The following PPP1R12A variants were observed in gnomAD, a reference collection of about 807,000 sequenced individuals.
The protein encoded by PPP1R12A is myosin binding subunit.
Under a neutral mutation model 139.6 loss-of-function variants are expected in PPP1R12A, and 19 were observed. The observed-to-expected ratio is 0.14, with a 90% CI of 0.09 to 0.20. The LOEUF is 0.20. Among genes scored for constraint, PPP1R12A ranks in the 10% least tolerant of loss-of-function variants. The pLI is 1.00. For synonymous variants in PPP1R12A, 427 were observed against 420.6 expected, an observed-to-expected ratio of 1.02 and a Z score of -0.19; for missense variants, 925 against 1,211.5, an observed-to-expected ratio of 0.76 and a Z score of 3.51.
At chr12:79,896,002 AT>A (rs34970906) in intron 1 of PPP1R12A, among the ~76,000 whole-genome samples, 112,874 of 150,498 alleles carry the variant, frequency 0.75, 45,207 homozygotes, top group Non-Finnish European at 0.92. Context: ...GGTTAAAACA[AT>A]TTTTTTTTTT....
intron 1 of PPP1R12A, among the ~76,000 whole-genome samples, chr12:79,891,719 T>G (rs1000619774): frequency 6.6e-6 from 1 of 152,176 alleles, no homozygotes; most frequent in Non-Finnish European, 1.5e-5. Flanking sequence ...AAAAAGACTA[T>G]GGCTTCCATC....
chr12:79,826,977 A>G (rs910927803), intron 5 of PPP1R12A, among the ~76,000 whole-genome samples: 4 of 152,312 alleles, frequency 2.6e-5, no homozygotes, highest in Non-Finnish European at 4.4e-5. Flanking sequence ...CAGAGTTCAG[A>G]GGCTAATAGG....
chr12:79,925,280 G>A (rs548573032), intron 1 of PPP1R12A, among the ~76,000 whole-genome samples: 10 of 152,202 alleles, frequency 6.6e-5, no homozygotes, highest in Admixed American at 2.0e-4. Flanking sequence ...GTGTGTGTGT[G>A]TAACAGTCCA....
rs779725346 is a variant in PPP1R12A, at chr12:79,874,818, C to T, written c.238-1880G>A. Among the ~76,000 whole-genome samples, 101 of 152,098 alleles carry T rather than the reference C, an allele frequency of 6.6e-4. 1 individual carries two copies. The highest frequency in any genetic ancestry group is 7.9e-4 in the Non-Finnish European group (54 of 68,016). On this transcript the variant is annotated intron_variant, in intron 1 of 24. Coordinates refer to ENST00000450142, the MANE Select transcript of PPP1R12A (RefSeq NM_002480.3). ...ACCCACTCCAAGGTACTCATTGTTC[C>T]CCACAATTGTTCCTAAAATCACTCT...
At chr12:79,841,262 C>T (rs75549358) in intron 3 of PPP1R12A, among the ~76,000 whole-genome samples, 11,867 of 152,098 alleles carry the variant, frequency 0.078, 782 homozygotes, top group East Asian at 0.33. Context: ...TTTGATACCC[C>T]GCCTTTTCTG....
upstream of PPP1R12A, chr12:79,935,308 C>CAG (rs1888586918): frequency 6.7e-6 from 7 of 1,047,540 alleles, no homozygotes; most frequent in South Asian, 1.8e-4. Context: ...GCTGGGCCAC[C>CAG]AGAGGGAAGC....
chr12:79,871,339 ATT>A (rs1882545523), intron 2 of PPP1R12A, among the ~76,000 whole-genome samples: 1 of 152,232 alleles, frequency 6.6e-6, no homozygotes, highest in African/African-American at 2.4e-5. Flanking sequence ...GACAATTAAT[ATT>A]GTCTTTTCAA....
In PPP1R12A at chr12:79,832,470, C is replaced by A; in HGVS notation, c.509G>T (p.Arg170Leu). 6.2e-7 allele frequency: 1 copy of A among 1,607,458 alleles called. No homozygotes were observed. ...AAGCATGATCCGTTCTTCTTCCTTT[C>A]GAGCTGCTTCTATATCAACCCCTGA... The part of the protein sequence containing the change: ...NRQGVDIEAA[R>L]KEEERIMLRD... The change falls in exon 4 of 25, where the codon CGA (arginine) becomes CTA (leucine). Residue 170 changes from arginine (R) to leucine (L), a missense_variant. By Grantham distance (102) the Arg-to-Leu change is moderately radical (BLOSUM62 -2). Coordinates refer to ENST00000450142, the MANE Select transcript of PPP1R12A (RefSeq NM_002480.3).
rs1019398178 is a variant in PPP1R12A at position 79,801,013 on chromosome 12, A to G, written c.2001-2429T>C. ...CTCCCAAAGTGCTGGGATTACAGGC[A>G]TGAGCCACTGTGCCCAGCTCAAATG... On this transcript the variant is annotated intron_variant, in intron 14 of 24. Coordinates refer to ENST00000450142, the MANE Select transcript of PPP1R12A (RefSeq NM_002480.3). 6.0e-5 allele frequency among the ~76,000 whole-genome samples: 9 copies of G among 151,168 alleles called. No individual in the cohort carries two copies. In the East Asian group the frequency reaches 6.1e-4, roughly 10 times the overall value.
chr12:79,921,737 G>A (rs1422042625), intron 1 of PPP1R12A, among the ~76,000 whole-genome samples: 5 of 152,134 alleles, frequency 3.3e-5, no homozygotes, highest in Non-Finnish European at 5.9e-5. Context: ...GCATGAATGA[G>A]TTATTCACTA....
intron 21 of PPP1R12A, 172 bp from the exon 22 acceptor site, chr12:79,786,650 T>C: frequency 2.1e-6 from 1 of 476,146 alleles, no homozygotes. Flanking sequence ...GTTATGCAAG[T>C]GTGTTTGTCC....
chr12:79,817,511 T>G lies in PPP1R12A; in HGVS notation c.1122A>C (p.Thr374=), dbSNP rs1360034804. 3.2e-6 allele frequency: 5 copies of G among 1,586,410 alleles called. No individual in the cohort carries two copies. Among genetic ancestry groups the G allele is most frequent in the Non-Finnish European group, 4.3e-6 (5 of 1,164,344 alleles). The change falls in exon 9 of 25, where the codon ACA becomes ACC. Residue 374 remains threonine, a synonymous_variant. Coordinates refer to ENST00000450142, the MANE Select transcript of PPP1R12A (RefSeq NM_002480.3). ...DSESEAETDK[T]KPLASVTNAN... ...CATTAGTTACAGAAGCCAGGGGTTT[T>G]GTCTTATCTATTAAAGACAAACAAT...
At chr12:79,830,516 G>C (rs1877294638) in intron 4 of PPP1R12A, among the ~76,000 whole-genome samples, 1 of 152,158 alleles carries the variant, frequency 6.6e-6, no homozygotes, top group South Asian at 2.1e-4. Flanking sequence ...CCTAGAGGTA[G>C]AATCAGGGAA....
chr12:79,894,595 A>C (rs1884961884), intron 1 of PPP1R12A, among the ~76,000 whole-genome samples: 1 of 152,174 alleles, frequency 6.6e-6, no homozygotes, highest in Non-Finnish European at 1.5e-5. Flanking sequence ...GTTCCTATAA[A>C]ATATTATGAT....
chr12:79,903,069 A>ACAC (rs2137482582), intron 1 of PPP1R12A, among the ~76,000 whole-genome samples: 1 of 152,278 alleles, frequency 6.6e-6, no homozygotes, highest in South Asian at 2.1e-4. Context: ...AAACAACTAC[A>ACAC]CACTGTCCAC....
At chr12:79,807,098 C>T in intron 12 of PPP1R12A, 128 bp downstream of exon 12, 1 of 557,212 alleles carries the variant, frequency 1.8e-6, no homozygotes, top group South Asian at 2.5e-5. Flanking sequence ...AAGTTTTAAA[C>T]AACAAAAACT....
Position 79,828,467 on chromosome 12 carries a change from A to C in PPP1R12A, c.648-3T>G. 3 of 1,588,660 alleles carry C rather than the reference A, an allele frequency of 1.9e-6. No individual in the cohort carries two copies. The highest frequency in any genetic ancestry group is 2.6e-6 in the Non-Finnish European group (3 of 1,163,278). On this transcript the variant is annotated splice_region_variant and splice_polypyrimidine_tract_variant and intron_variant, in intron 4 of 24. Coordinates refer to ENST00000450142, the MANE Select transcript of PPP1R12A (RefSeq NM_002480.3). ...CATAGCCTGCCTGTATTAAAAGTCT[A>C]AAGAAATTACAGTGAATTAGACAAT...
At position 79,907,064 on chromosome 12, in the gene PPP1R12A, TATA is replaced by T. The variant is rs202140920; in HGVS notation, c.237+27628_237+27630del. On this transcript the variant is annotated intron_variant, in intron 1 of 24. Transcript: ENST00000450142. ...ACTTCATTAATATATAAATACAGAT[TATA>T]ATAACTCTATCTCCCCTCACTCAAA... 3.5e-3 allele frequency among the ~76,000 whole-genome samples: 536 copies of T among 152,286 alleles called. 11 individuals carry two copies. The highest frequency in any genetic ancestry group is 0.027 in the Admixed American group (415 of 15,292).
intron 2 of PPP1R12A, among the ~76,000 whole-genome samples, chr12:79,866,000 G>A (rs967957334): frequency 6.6e-6 from 1 of 151,972 alleles, no homozygotes; most frequent in Non-Finnish European, 1.5e-5. Flanking sequence ...AAAAAGAGCC[G>A]GCATAGCCAA....
Sources: gnomAD v4.1 joint callset for allele counts (sites outside exome capture counted in the v4.1 genomes callset) on GRCh38, gnomAD v4.1.1 for gene constraint, MANE v1.5 for transcripts, NCBI Gene and HGNC (gene_info 2026-07-23, HGNC 2026-07-21) for gene names.